NTNG1: variants seen among roughly 807,000 people sequenced by gnomAD.
The protein encoded by NTNG1 is netrin G1.
A neutral mutation model predicts 54.0 loss-of-function variants in NTNG1; 16 were observed. The observed-to-expected ratio is 0.30, with a 90% CI of 0.20 to 0.45. The LOEUF (loss-of-function observed/expected upper bound fraction) is 0.45. Ranked by LOEUF, NTNG1 falls within the 20% of genes least tolerant of loss-of-function variation. NTNG1 has a pLI of 1.00. For synonymous variants in NTNG1, 255 were observed against 263.1 expected, an observed-to-expected ratio of 0.97 and a Z score of 0.30; for missense variants, 530 against 678.7, an observed-to-expected ratio of 0.78 and a Z score of 2.43.
At chr1:107,195,250 C>T (rs1011372491) in intron 2 of NTNG1, among the ~76,000 whole-genome samples, 1 of 151,842 alleles carries the variant, frequency 6.6e-6, no homozygotes, top group Non-Finnish European at 1.5e-5. Flanking sequence ...CTGCATCTGC[C>T]CCATTAATAA....
chr1:107,391,519 A>C (rs1672360519), intron 3 of NTNG1, among the ~76,000 whole-genome samples: 1 of 152,144 alleles, frequency 6.6e-6, no homozygotes. Context: ...CTATAAAGAA[A>C]TACCTAAGAC....
intron 2 of NTNG1, among the ~76,000 whole-genome samples, chr1:107,216,020 C>T (rs1456059531): frequency 1.3e-5 from 2 of 152,120 alleles, no homozygotes; most frequent in African/African-American, 4.8e-5. Context: ...TTGCTGAATT[C>T]ATTTCCCAGT....
In NTNG1 at chr1:107,347,772, A is replaced by G. The variant is rs1570733008; in HGVS notation, c.887+22850A>G. On this transcript the variant is annotated intron_variant, in intron 3 of 7. Transcript: ENST00000370068. ...CAGGACACTTACAATCATGGCAGAAAGCAAAGGAGAAGCAGGCACCTTCTT... is the reference window on the plus strand; with the variant it reads ...CAGGACACTTACAATCATGGCAGAAGGCAAAGGAGAAGCAGGCACCTTCTT... Among the ~76,000 whole-genome samples, 3 of 152,322 alleles carry G rather than the reference A, an allele frequency of 2.0e-5. No individual in the cohort carries two copies. The East Asian group carries it at 5.8e-4, about 29-fold the overall frequency.
chr1:107,404,232 T>G (rs1673253216), intron 4 of NTNG1, among the ~76,000 whole-genome samples: 1 of 151,530 alleles, frequency 6.6e-6, no homozygotes. Context: ...CAAATGAGAG[T>G]ATCAAAAAAT....
chr1:107,222,799 CTTTTTTTTTTT>C (rs113401472), intron 2 of NTNG1, among the ~76,000 whole-genome samples: 5 of 109,054 alleles, frequency 4.6e-5, no homozygotes, highest in Middle Eastern at 5.8e-3. Context: ...ACCAGTGCTG[CTTTTTTTTTTT>C]TTTTTTTTTT....
At chr1:107,395,605 A>AT in intron 4 of NTNG1, 3 of 560,668 alleles carry the variant, frequency 5.4e-6, no homozygotes, top group Non-Finnish European at 9.9e-6. Context: ...ACAGGAGGTG[A>AT]TTTTTTTCCT....
intron 7 of NTNG1, among the ~76,000 whole-genome samples, chr1:107,461,785 G>A (rs1301341630): frequency 6.6e-6 from 1 of 152,084 alleles, no homozygotes; most frequent in Admixed American, 6.5e-5. Flanking sequence ...GCCCACCTCA[G>A]CCTCCCAAAG....
intron 3 of NTNG1, among the ~76,000 whole-genome samples, chr1:107,361,394 T>TC (rs58778230): frequency 7.4e-6 from 1 of 135,716 alleles, no homozygotes; most frequent in African/African-American, 2.7e-5. Flanking sequence ...TATATATATT[T>TC]TTTTTTTTTT....
At chr1:107,331,136 A>G (rs1668253814) in intron 3 of NTNG1, among the ~76,000 whole-genome samples, 1 of 152,082 alleles carries the variant, frequency 6.6e-6, no homozygotes, top group Admixed American at 6.6e-5. Context: ...CTTTAACGTC[A>G]CACATAACAA....
At chr1:107,328,647 A>G (rs569402402) in intron 3 of NTNG1, among the ~76,000 whole-genome samples, 23 of 152,228 alleles carry the variant, frequency 1.5e-4, no homozygotes, top group African/African-American at 5.3e-4. Context: ...ATTTTTAAGT[A>G]TTTTGTTTCT....
intron 2 of NTNG1, among the ~76,000 whole-genome samples, chr1:107,282,990 T>C (rs1384100004): frequency 6.6e-6 from 1 of 152,126 alleles, no homozygotes; most frequent in Non-Finnish European, 1.5e-5. Context: ...ACATCTGTTT[T>C]ATAAGGGTAT....
At chr1:107,219,222 C>G (rs1387844982) in intron 2 of NTNG1, among the ~76,000 whole-genome samples, 1 of 151,464 alleles carries the variant, frequency 6.6e-6, no homozygotes, top group Non-Finnish European at 1.5e-5. Flanking sequence ...CTTTTCAGGG[C>G]ATTTTGCAAT....
intron 3 of NTNG1, among the ~76,000 whole-genome samples, chr1:107,363,594 T>G (rs1417026009): frequency 2.6e-5 from 4 of 152,204 alleles, no homozygotes; most frequent in African/African-American, 9.7e-5. Flanking sequence ...CAGTCTCTTT[T>G]CTGGTTAATT....
At chr1:107,330,625 T>A (rs1668222773) in intron 3 of NTNG1, among the ~76,000 whole-genome samples, 1 of 152,132 alleles carries the variant, frequency 6.6e-6, no homozygotes. Context: ...TAATTCATGA[T>A]TTAGCTAGTT....
intron 2 of NTNG1, among the ~76,000 whole-genome samples, chr1:107,233,705 G>A (rs1269852864): frequency 6.6e-6 from 1 of 152,170 alleles, no homozygotes; most frequent in Admixed American, 6.5e-5. Context: ...AGTGTACATG[G>A]AATAGAAATC....
rs1004069615 is a variant in NTNG1, at chr1:107,483,966, G to A, written c.*3126G>A. 6.6e-6 allele frequency among the ~76,000 whole-genome samples: 1 copy of A among 151,774 alleles called. No individual in the cohort carries two copies. Among genetic ancestry groups the A allele is most frequent in the African/African-American group, 2.4e-5 (1 of 41,056 alleles). On this transcript the variant is annotated 3_prime_UTR_variant, in exon 8 of 8. Transcript: ENST00000370068. ...CAGCAAAGAGGGGACCTTGCTTAGAGAGACCCATTCTGACTCTCCTCCAGC... is the reference window on the plus strand; with the variant it reads ...CAGCAAAGAGGGGACCTTGCTTAGAAAGACCCATTCTGACTCTCCTCCAGC...
chr1:107,297,582 A>C (rs1666062383), intron 2 of NTNG1, among the ~76,000 whole-genome samples: 1 of 152,048 alleles, frequency 6.6e-6, no homozygotes, highest in Non-Finnish European at 1.5e-5. Context: ...GGTGATTCTT[A>C]TGTGCTCTAT....
At chr1:107,462,614 T>TC (rs1677345528) in intron 7 of NTNG1, among the ~76,000 whole-genome samples, 1 of 152,236 alleles carries the variant, frequency 6.6e-6, no homozygotes, top group African/African-American at 2.4e-5. Flanking sequence ...CATGTGCTTT[T>TC]CCTTTAATTT....
chr1:107,375,526 AT>A (rs1188632352), intron 3 of NTNG1, among the ~76,000 whole-genome samples: 1 of 152,226 alleles, frequency 6.6e-6, no homozygotes, highest in Non-Finnish European at 1.5e-5. Context: ...GATTACTGAC[AT>A]GATCTACAGG....
Sources: allele counts gnomAD v4.1 joint callset (sites outside exome capture counted in the v4.1 genomes callset), GRCh38; gene constraint gnomAD v4.1.1; transcripts MANE v1.5; gene names NCBI Gene and HGNC (gene_info 2026-07-23, HGNC 2026-07-21).